Variants in PARP4 observed in about 807,000 individuals in gnomAD.
PARP4 encodes the protein poly(ADP-ribose) polymerase family member 4.
PARP4 carries 120 observed loss-of-function variants against 187.7 expected under a neutral mutation model. The ratio of observed to expected loss-of-function variants is 0.64; its 90% CI spans 0.55 to 0.74. PARP4 has a LOEUF of 0.74. PARP4 is among the 30% of genes least tolerant of loss of function. The probability of loss-of-function intolerance (pLI) is 0.00; values close to 1 mark genes in which losing one functional copy is unlikely to be tolerated. For synonymous variants in PARP4, 654 were observed against 740.9 expected, an observed-to-expected ratio of 0.88 and a Z score of 1.90; for missense variants, 1,836 against 2,070.5, an observed-to-expected ratio of 0.89 and a Z score of 2.20.
At chr13:24,505,216 G>A (rs552057983) in intron 1 of PARP4, among the ~76,000 whole-genome samples, 39 of 152,190 alleles carry the variant, frequency 2.6e-4, no homozygotes, top group African/African-American at 9.4e-4. Context: ...AGCAAATGCG[G>A]CTTTATGTGC....
chr13:24,436,666 T>G (rs149008445), intron 30 of PARP4, among the ~76,000 whole-genome samples: 18 of 148,068 alleles, frequency 1.2e-4, no homozygotes, highest in African/African-American at 4.3e-4. Flanking sequence ...ACAATATGTA[T>G]GTAAAACAAA....
In PARP4 at chr13:24,475,603, G is replaced by A. The variant is rs370730763; in HGVS notation, c.1790-7C>T. ...GCATCTGGTAACTGGTAATCTAAAC[G>A]TTAAAAATGTTACTATTAGCTTTCA... On this transcript the variant is annotated splice_region_variant and splice_polypyrimidine_tract_variant and intron_variant, in intron 14 of 33. Transcript: ENST00000381989. 11 of 1,613,030 alleles carry A rather than the reference G, an allele frequency of 6.8e-6. No individual in the cohort carries two copies. Among genetic ancestry groups the A allele is most frequent in the South Asian group, 6.6e-5 (6 of 91,048 alleles).
chr13:24,504,120 CAT>C (rs1869465928), intron 1 of PARP4, among the ~76,000 whole-genome samples: 1 of 152,046 alleles, frequency 6.6e-6, no homozygotes. Context: ...TAGAAATTAA[CAT>C]TATTTGATAG....
chr13:24,452,293 T>C, intron 24 of PARP4, 113 bp downstream of exon 24: 3 of 855,382 alleles, frequency 3.5e-6, no homozygotes, highest in South Asian at 3.4e-5. Context: ...CCCTCTATGC[T>C]GTAAGGCTTC....
At chr13:24,466,796 C>CAAAAAAAAA (rs34197201) in intron 17 of PARP4, among the ~76,000 whole-genome samples, 5,623 of 89,796 alleles carry the variant, frequency 0.063, 273 homozygotes, top group East Asian at 0.18. Context: ...GACTCTGTCT[C>CAAAAAAAAA]AAAAAAAAAA....
intron 30 of PARP4, among the ~76,000 whole-genome samples, chr13:24,439,001 A>AAATATG (rs1189679477): frequency 6.6e-6 from 1 of 152,014 alleles, no homozygotes; most frequent in Non-Finnish European, 1.5e-5. Context: ...CAGCTAACAT[A>AAATATG]AACTTTCAAG....
At chr13:24,454,668 T>C (rs902672719) in intron 22 of PARP4, among the ~76,000 whole-genome samples, 2 of 152,226 alleles carry the variant, frequency 1.3e-5, no homozygotes, top group Admixed American at 6.5e-5. Context: ...GTAGCATTTA[T>C]ATCTCACTTA....
chr13:24,455,506 T>TATATCACA lies in PARP4; in HGVS notation c.2563-295_2563-294insTGTGATAT, dbSNP rs1555234626. On this transcript the variant is annotated intron_variant, in intron 21 of 33. Transcript: ENST00000381989. ...ATATATATATATATATATATATATA[T>TATATCACA]CACACTATTCTAAGAGGAATATACA... is the stretch of plus-strand genomic sequence containing the variant. Among the ~76,000 whole-genome samples the TATATCACA allele has an allele frequency of 6.6e-5, 9 of 135,458 alleles. 1 individual carries two copies. The highest frequency in any genetic ancestry group is 9.6e-5 in the Non-Finnish European group (6 of 62,812). The allele number at this position is 135,458 out of a possible 152,430, so 88.9% of individuals were successfully genotyped here. A position where few individuals can be genotyped will look rare whatever the true frequency, so the allele number is the denominator to read the frequency against.
At chr13:24,489,335 C>T (rs776983738) in intron 10 of PARP4, among the ~76,000 whole-genome samples, 2 of 152,114 alleles carry the variant, frequency 1.3e-5, no homozygotes, top group Non-Finnish European at 2.9e-5. Flanking sequence ...TATGGCTGGG[C>T]GTGGTGGCTC....
rs766073953 is a variant in PARP4 at position 24,459,317 on chromosome 13, A to G, written c.2299-7T>C. 3.8e-5 allele frequency: 58 copies of G among 1,540,174 alleles called. 1 individual carries two copies. The highest frequency in any genetic ancestry group is 4.9e-5 in the Non-Finnish European group (55 of 1,132,304). On this transcript the variant is annotated splice_region_variant and splice_polypyrimidine_tract_variant and intron_variant, in intron 18 of 33. Coordinates refer to ENST00000381989, the MANE Select transcript of PARP4 (RefSeq NM_006437.4). ...AAATCTTCTCTACTGTATCCTGTTA[A>G]AAGAAAAATACATTTGTATAACTAA...
Position 24,492,611 on chromosome 13 carries a change from T to G in PARP4, c.880-17A>C, listed in dbSNP as rs1423669858. 1.9e-6 allele frequency: 3 copies of G among 1,594,162 alleles called. No individual in the cohort carries two copies. Among genetic ancestry groups the G allele is most frequent in the Non-Finnish European group, 1.7e-6 (2 of 1,165,792 alleles). On this transcript the variant is annotated splice_polypyrimidine_tract_variant and intron_variant, in intron 8 of 33. Coordinates refer to ENST00000381989, the MANE Select transcript of PARP4 (RefSeq NM_006437.4). ...CTTGCTCACCTTTCAACAGATCATA[T>G]ATGCTTATTACAATGAAATCTCAAT...
chr13:24,443,298 C>T (rs1222110083), intron 28 of PARP4, among the ~76,000 whole-genome samples: 2 of 151,414 alleles, frequency 1.3e-5, no homozygotes, highest in Non-Finnish European at 2.9e-5. Context: ...CGCTCTCAGG[C>T]CTCTCATCAG....
chr13:24,460,729 T>C (rs1342778015), intron 17 of PARP4, among the ~76,000 whole-genome samples: 3 of 152,190 alleles, frequency 2.0e-5, no homozygotes, highest in African/African-American at 4.8e-5. Context: ...TGCTCCGTCA[T>C]CCAGGCTGGA....
chr13:24,505,866 T>C (rs1184812851), intron 1 of PARP4, among the ~76,000 whole-genome samples: 1 of 152,244 alleles, frequency 6.6e-6, no homozygotes, highest in African/African-American at 2.4e-5. Context: ...TTCCGGGTCC[T>C]GTGTTAGCTT....
At chr13:24,427,401 G>A (rs1321440887) in intron 32 of PARP4, among the ~76,000 whole-genome samples, 1 of 148,598 alleles carries the variant, frequency 6.7e-6, no homozygotes, top group African/African-American at 2.5e-5. Flanking sequence ...GAAGACAGGG[G>A]CTCACTCTGT....
At chr13:24,451,860 T>C (rs1871536780) in intron 24 of PARP4, 2 of 152,724 alleles carry the variant, frequency 1.3e-5, no homozygotes, top group African/African-American at 2.4e-5. Flanking sequence ...TAGCCTCTCA[T>C]GGAAAGCTTC....
intron 23 of PARP4, among the ~76,000 whole-genome samples, 186 bp from the exon 24 acceptor site, chr13:24,452,779 T>C (rs2275659): frequency 0.16 from 23,818 of 152,140 alleles, 2,447 homozygotes; most frequent in African/African-American, 0.28. Context: ...GTAACTATAA[T>C]ATTATCACCT....
intron 26 of PARP4, 112 bp from the exon 27 acceptor site, chr13:24,446,873 C>T: frequency 7.3e-7 from 1 of 1,374,950 alleles, no homozygotes; most frequent in Non-Finnish European, 1.0e-6. Flanking sequence ...AAACTAGAAG[C>T]CTCCCCAAAG....
chr13:24,476,089 CCTTT>C (rs1872969960), intron 14 of PARP4, among the ~76,000 whole-genome samples: 3 of 151,776 alleles, frequency 2.0e-5, no homozygotes, highest in South Asian at 4.2e-4. Context: ...ACCTGGCCTG[CCTTT>C]TTTTTTGTTT....
Sources: gnomAD v4.1 joint callset for allele counts (sites outside exome capture counted in the v4.1 genomes callset) on GRCh38, gnomAD v4.1.1 for gene constraint, MANE v1.5 for transcripts, NCBI Gene and HGNC (gene_info 2026-07-23, HGNC 2026-07-21) for gene names.